The following IGF1 variants were observed in gnomAD, a reference collection of about 807,000 sequenced individuals.
The protein encoded by IGF1 is insulin like growth factor 1.
IGF1 carries 4 observed loss-of-function variants against 13.8 expected under a neutral mutation model. The ratio of observed to expected loss-of-function variants is 0.29; its 90% confidence interval spans 0.14 to 0.66. IGF1 has a LOEUF of 0.66. Ranked by LOEUF, IGF1 falls within the 30% of genes least tolerant of loss-of-function variation. IGF1 has a pLI of 0.78. For missense variants in IGF1, 124 were observed against 188.5 expected, an observed-to-expected ratio of 0.66 and a Z score of 2.00; for synonymous variants, 76 against 72.6, an observed-to-expected ratio of 1.05 and a Z score of -0.23.
At position 102,480,360 on chromosome 12, in the gene IGF1, G is replaced by T. The variant is rs1176676174; in HGVS notation, c.22C>A (p.Pro8Thr). MGKISSL[P>T]TQLFKCCFCD... ...AAGCAGCACTTAAATAATTGGGTTG[G>T]AAGACTGCTGATTTTTCCCATTGCT... The change falls in exon 1 of 4, where the codon CCA (proline) becomes ACA (threonine). Residue 8 changes from proline (P) to threonine (T), a missense_variant. Around this residue, in one of 2 missense-constraint regions of IGF1, gnomAD observed 99 missense variants for 171.4 expected, o/e 0.58. Transcript: ENST00000337514. 1.2e-6 allele frequency: 2 copies of T among 1,613,646 alleles called. No homozygotes were observed. Among genetic ancestry groups the T allele is most frequent in the Admixed American group, 3.3e-5 (2 of 60,018 alleles).
intron 2 of IGF1, among the ~76,000 whole-genome samples, chr12:102,423,899 A>G (rs1015914767): frequency 1.3e-5 from 2 of 152,168 alleles, no homozygotes; most frequent in Non-Finnish European, 2.9e-5. Flanking sequence ...GTTGTTCATC[A>G]CTGGCAAAAA....
At chr12:102,441,953 T>TCCTTCTCCTTCTCCTTC in intron 2 of IGF1, among the ~76,000 whole-genome samples, 1 of 140,326 alleles carries the variant, frequency 7.1e-6, no homozygotes, top group Admixed American at 8.1e-5. Flanking sequence ...CTTCTTCTTC[T>TCCTTCTCCTTCTCCTTC]TCTTTTTTTT....
At chr12:102,469,779 T>C (rs1880573543) in intron 2 of IGF1, among the ~76,000 whole-genome samples, 1 of 152,150 alleles carries the variant, frequency 6.6e-6, no homozygotes, top group African/African-American at 2.4e-5. Flanking sequence ...AGTTACAAAA[T>C]GTTCATGTCT....
At position 102,461,189 on chromosome 12, in the gene IGF1, T is replaced by G. The variant is rs1879869587; in HGVS notation, c.220+14454A>C. On this transcript the variant is annotated intron_variant, in intron 2 of 3. Coordinates refer to ENST00000337514, the MANE Select transcript of IGF1 (RefSeq NM_000618.5). ...AGTTAAAAACTGGTCCTCTCTCACTTTACCTGCCCTGCTGTGGGACAATGT... is the reference window on the plus strand; with the variant it reads ...AGTTAAAAACTGGTCCTCTCTCACTGTACCTGCCCTGCTGTGGGACAATGT... Among the ~76,000 whole-genome samples the G allele has an allele frequency of 3.3e-5, 5 of 152,170 alleles. No homozygotes were observed. The South Asian group carries it at 1.0e-3, about 32-fold the overall frequency.
chr12:102,441,953 T>TTCTTCTTTTCTTCTTCTTC (rs1555244154), intron 2 of IGF1, among the ~76,000 whole-genome samples: 1 of 140,220 alleles, frequency 7.1e-6, no homozygotes, highest in Non-Finnish European at 1.6e-5. Flanking sequence ...CTTCTTCTTC[T>TTCTTCTTTTCTTCTTCTTC]TCTTTTTTTT....
In IGF1 at chr12:102,400,556, T is replaced by A. The variant is rs974079622; in HGVS notation, c.*1951A>T. 2.0e-5 allele frequency: 3 copies of A among 152,130 alleles called. No individual in the cohort carries two copies. Among genetic ancestry groups the A allele is most frequent in the African/African-American group, 7.2e-5 (3 of 41,438 alleles). 9.4% of individuals were successfully genotyped at this position (152,130 alleles called of 1,614,324 possible). ...AGTCAAGCATATTTTAACAAACTTT[T>A]AAAAAAATGTATATACAGCTAAGAA... On this transcript the variant is annotated 3_prime_UTR_variant, in exon 4 of 4. Coordinates refer to ENST00000337514, the MANE Select transcript of IGF1 (RefSeq NM_000618.5).
intron 3 of IGF1, among the ~76,000 whole-genome samples, chr12:102,402,982 T>A (rs1325852205): frequency 6.6e-6 from 1 of 152,246 alleles, no homozygotes; most frequent in Non-Finnish European, 1.5e-5. Context: ...CTGTTTTAAT[T>A]TTTGTAAAAA....
rs535864433 is a variant in IGF1 at position 102,479,737 on chromosome 12, ATTACACT to A, written c.63+575_63+581del. Reference sequence around the variant, plus strand: ...AAGGAGTTCTTTTTTGGAAGAACAAATTACACTTTACTCTAACTTTAACACTCTCTCT... The same window carrying A: ...AAGGAGTTCTTTTTTGGAAGAACAAATTACTCTAACTTTAACACTCTCTCT... On this transcript the variant is annotated intron_variant, in intron 1 of 3. Transcript: ENST00000337514. 2.9e-3 allele frequency among the ~76,000 whole-genome samples: 448 copies of A among 152,368 alleles called. 3 individuals carry two copies. The highest frequency in any genetic ancestry group is 6.8e-3 in the Middle Eastern group (2 of 294).
chr12:102,399,031 GT>G lies in IGF1; in HGVS notation c.*3475del, dbSNP rs1873459934. 1 of 151,030 alleles carries G rather than the reference GT, an allele frequency of 6.6e-6. No homozygotes were observed. The highest frequency in any genetic ancestry group is 2.0e-4 in the East Asian group (1 of 5,094). 9.4% of individuals were successfully genotyped at this position (151,030 alleles called of 1,614,324 possible). On this transcript the variant is annotated 3_prime_UTR_variant, in exon 4 of 4. Transcript: ENST00000337514. ...ATTCTCAAGGGTGGACAGGCTTTTT[GT>G]TTGTTTGTTTGTTTTTTAATAAAAT...
At chr12:102,442,613 A>C (rs1025013847) in intron 2 of IGF1, among the ~76,000 whole-genome samples, 1 of 152,120 alleles carries the variant, frequency 6.6e-6, no homozygotes, top group Non-Finnish European at 1.5e-5. Flanking sequence ...TGATACTGAC[A>C]AGTTTATTAA....
intron 3 of IGF1, among the ~76,000 whole-genome samples, chr12:102,404,528 G>A (rs1873968073): frequency 6.6e-6 from 1 of 152,190 alleles, no homozygotes; most frequent in Non-Finnish European, 1.5e-5. Flanking sequence ...GTAGAAGGAA[G>A]ATGGCATCAT....
At position 102,426,191 on chromosome 12, in the gene IGF1, G is replaced by A. The variant is rs564524231; in HGVS notation, c.221-6501C>T. On this transcript the variant is annotated intron_variant, in intron 2 of 3. Transcript: ENST00000337514. ...AAAGCACAAGTTTTGGAACCAGACA[G>A]TCTGGATTCTACTGTTTCTTTACTG... Among the ~76,000 whole-genome samples the A allele has an allele frequency of 3.3e-4, 51 of 152,290 alleles. No homozygotes were observed. The South Asian group carries it at 0.01, about 31-fold the overall frequency.
chr12:102,408,477 C>A (rs1205519537), intron 3 of IGF1, among the ~76,000 whole-genome samples: 1 of 152,138 alleles, frequency 6.6e-6, no homozygotes, highest in South Asian at 2.1e-4. Context: ...GAAACGTGTA[C>A]TCCTTGTTTA....
At chr12:102,452,483 C>T (rs1879051639) in intron 2 of IGF1, among the ~76,000 whole-genome samples, 1 of 152,004 alleles carries the variant, frequency 6.6e-6, no homozygotes, top group African/African-American at 2.4e-5. Context: ...AATAGATGCT[C>T]AGTAAATATT....
intron 3 of IGF1, among the ~76,000 whole-genome samples, chr12:102,410,214 C>T (rs1039105896): frequency 2.0e-5 from 3 of 152,102 alleles, no homozygotes; most frequent in Admixed American, 1.3e-4. Flanking sequence ...AAAAAAAATG[C>T]CAAGGGTAGT....
intron 2 of IGF1, among the ~76,000 whole-genome samples, chr12:102,457,094 CT>C (rs1879479474): frequency 6.6e-6 from 1 of 152,174 alleles, no homozygotes; most frequent in African/African-American, 2.4e-5. Context: ...GAATTCAAGG[CT>C]TTTCAGGGTG....
rs1416530012 is a variant in IGF1 at position 102,456,539 on chromosome 12, G to T, written c.220+19104C>A. 2.6e-5 allele frequency among the ~76,000 whole-genome samples: 4 copies of T among 152,048 alleles called. No individual in the cohort carries two copies. In the East Asian group the frequency reaches 7.7e-4, roughly 29 times the overall value. ...AAATCTATTTATAATTGACATAAAT[G>T]ATAGTCCTATTTATAGTTCTCTTTG... On this transcript the variant is annotated intron_variant, in intron 2 of 3. Transcript: ENST00000337514.
At chr12:102,465,276 A>G (rs1293731613) in intron 2 of IGF1, among the ~76,000 whole-genome samples, 2 of 152,222 alleles carry the variant, frequency 1.3e-5, no homozygotes, top group Non-Finnish European at 2.9e-5. Context: ...AAAGCATCCA[A>G]TTCAGTTCAT....
At chr12:102,475,546 G>A (rs1880963404) in intron 2 of IGF1, 97 bp downstream of exon 2, 9 of 1,355,114 alleles carry the variant, frequency 6.6e-6, no homozygotes, top group African/African-American at 1.4e-5. Flanking sequence ...CCAGATACGG[G>A]CACTCATTCA....
Sources: allele counts gnomAD v4.1 joint callset (sites outside exome capture counted in the v4.1 genomes callset), GRCh38; gene constraint gnomAD v4.1.1; regional missense constraint gnomAD v4.1.1; transcripts MANE v1.5; gene names NCBI Gene and HGNC (gene_info 2026-07-23, HGNC 2026-07-21).